Variants in ZNF423 observed in about 807,000 individuals in gnomAD.
ZNF423 encodes zinc finger protein 423.
A neutral mutation model predicts 95.8 loss-of-function variants in ZNF423; 12 were observed. The ratio of observed to expected loss-of-function variants is 0.13; its 90% CI spans 0.08 to 0.20. The LOEUF (loss-of-function observed/expected upper bound fraction) is 0.20. Among genes scored for constraint, ZNF423 ranks in the 10% least tolerant of loss-of-function variants. The probability of loss-of-function intolerance (pLI) is 1.00; values close to 1 mark genes in which losing one functional copy is unlikely to be tolerated. For missense variants in ZNF423, 1,316 were observed against 1,737.1 expected, an observed-to-expected ratio of 0.76 and a Z score of 4.31; for synonymous variants, 749 against 711.9, an observed-to-expected ratio of 1.05 and a Z score of -0.83.
In ZNF423 at chr16:49,641,917, C is replaced by T. The variant is rs552522477; in HGVS notation, c.302-3043G>A. Among the ~76,000 whole-genome samples, 7 of 152,320 alleles carry T rather than the reference C, an allele frequency of 4.6e-5. No homozygotes were observed. The South Asian group carries it at 1.5e-3, about 32-fold the overall frequency. ...ATGAGGGAAATGGTCTAAAACTAGA[C>T]TGTGGGTGAAGACTGCACAGCTCTG... On this transcript the variant is annotated intron_variant, in intron 3 of 7. Coordinates refer to ENST00000563137, the MANE Select transcript of ZNF423 (RefSeq NM_001379286.1).
intron 1 of ZNF423, among the ~76,000 whole-genome samples, chr16:49,812,205 C>T (rs1374273364): frequency 6.6e-6 from 1 of 152,244 alleles, no homozygotes; most frequent in Non-Finnish European, 1.5e-5. Flanking sequence ...ACACAGCCAG[C>T]AAGTGGCAGA....
upstream of ZNF423, among the ~76,000 whole-genome samples, chr16:49,858,268 C>T (rs1378007248): frequency 1.3e-5 from 2 of 149,730 alleles, no homozygotes; most frequent in Admixed American, 6.7e-5. This position sits in a 1 kb window ranked among gnomAD's most constrained non-coding sequence, Gnocchi z 4.3. Flanking sequence ...GCAGGGTGCC[C>T]GCGCCCCGCC....
chr16:49,508,513 TAAAAAA>T (rs35061120), intron 7 of ZNF423, among the ~76,000 whole-genome samples: 63 of 101,862 alleles, frequency 6.2e-4, no homozygotes, highest in African/African-American at 2.1e-3. Flanking sequence ...TTCTCTTTCT[TAAAAAA>T]AAAAAAAAAA....
intron 3 of ZNF423, among the ~76,000 whole-genome samples, chr16:49,681,762 TTTTC>T (rs1293546857): frequency 6.6e-6 from 1 of 151,720 alleles, no homozygotes; most frequent in African/African-American, 2.4e-5. Context: ...CATATTATGA[TTTTC>T]TTTTTCTTTT....
rs71380366 is a variant in ZNF423 at position 49,646,574 on chromosome 16, C to CTTTTTTTTTTTTT, written c.302-7713_302-7701dup. On this transcript the variant is annotated intron_variant, in intron 3 of 7. Transcript: ENST00000563137. ...TTATGGCACATTTTCTTTTCTTTTTCTTTTTTTTTTTTTTGAGAAGGAGTC... is the reference window on the plus strand; with the variant it reads ...TTATGGCACATTTTCTTTTCTTTTTCTTTTTTTTTTTTTTTTTTTTTTTTTTTGAGAAGGAGTC... 2.0e-4 allele frequency among the ~76,000 whole-genome samples: 24 copies of CTTTTTTTTTTTTT among 117,970 alleles called. 2 individuals carry two copies. Among genetic ancestry groups the CTTTTTTTTTTTTT allele is most frequent in the Admixed American group, 4.6e-4 (5 of 10,910 alleles). The allele number at this position is 117,970 out of a possible 152,430, so 77.4% of individuals were successfully genotyped here. A position where few individuals can be genotyped will look rare whatever the true frequency, so the allele number is the denominator to read the frequency against.
rs200850664 is a variant in ZNF423 at position 49,513,632 on chromosome 16, GGGATGGATGGATGGATGGAT to G, written c.3849+9972_3849+9991del. On this transcript the variant is annotated intron_variant, in intron 7 of 7. Transcript: ENST00000563137. ...CTCAAAAAATATGTTAACACATATG[GGGATGGATGGATGGATGGAT>G]GGATGGATGGATGGATGGATGGACG... Among the ~76,000 whole-genome samples the G allele has an allele frequency of 1.5e-4, 20 of 135,312 alleles. No individual in the cohort carries two copies. The South Asian group carries it at 3.7e-3, about 25-fold the overall frequency. The allele number at this position is 135,312 out of a possible 152,430, so 88.8% of individuals were successfully genotyped here.
chr16:49,825,452 CT>C lies in ZNF423; in HGVS notation c.40+30282del, dbSNP rs549876664. Among the ~76,000 whole-genome samples the C allele has an allele frequency of 1.9e-3, 287 of 149,774 alleles. 2 individuals carry two copies. Among genetic ancestry groups the C allele is most frequent in the African/African-American group, 4.0e-3 (164 of 40,868 alleles). ...TCTCCATACATATATATAATATATA[CT>C]TTTTTTTTTCCTGGTGTCACTTTGG... On this transcript the variant is annotated intron_variant, in intron 1 of 7. Transcript: ENST00000563137.
intron 3 of ZNF423, among the ~76,000 whole-genome samples, chr16:49,661,457 C>G (rs2030224236): frequency 6.6e-6 from 1 of 152,270 alleles, no homozygotes; most frequent in South Asian, 2.1e-4. Flanking sequence ...ACAAATGCAC[C>G]CCTCCACAAG....
intron 7 of ZNF423, among the ~76,000 whole-genome samples, chr16:49,501,910 A>G (rs1163104625): frequency 6.6e-6 from 1 of 152,168 alleles, no homozygotes; most frequent in Non-Finnish European, 1.5e-5. Context: ...CAAGGGTTGA[A>G]AAACAACCTA....
chr16:49,742,803 A>T, intron 2 of ZNF423, among the ~76,000 whole-genome samples: 1 of 152,178 alleles, frequency 6.6e-6, no homozygotes, highest in East Asian at 1.9e-4. Flanking sequence ...GGCTGCAAAA[A>T]AAGGATCCCG....
intron 3 of ZNF423, among the ~76,000 whole-genome samples, chr16:49,721,900 T>C (rs2032876433): frequency 6.6e-6 from 1 of 152,174 alleles, no homozygotes; most frequent in Admixed American, 6.5e-5. Flanking sequence ...CTGCCTTCTA[T>C]ATTGTTAATT....
intron 3 of ZNF423, among the ~76,000 whole-genome samples, chr16:49,694,291 C>T (rs373405303): frequency 6.6e-6 from 1 of 152,162 alleles, no homozygotes; most frequent in Non-Finnish European, 1.5e-5. Flanking sequence ...CAGTGCCTGC[C>T]ATACAGAGAC....
At chr16:49,689,226 G>A (rs1014305819) in intron 3 of ZNF423, among the ~76,000 whole-genome samples, 2 of 151,416 alleles carry the variant, frequency 1.3e-5, no homozygotes, top group Non-Finnish European at 2.9e-5. Context: ...AGGATGGCTT[G>A]AGCCCAGGAG....
chr16:49,599,413 A>G lies in ZNF423; in HGVS notation c.3601+26757T>C, dbSNP rs370302870. Among the ~76,000 whole-genome samples the G allele has an allele frequency of 9.8e-5, 15 of 152,340 alleles. No individual in the cohort carries two copies. The East Asian group carries it at 1.7e-3, about 18-fold the overall frequency. On this transcript the variant is annotated intron_variant, in intron 5 of 7. Transcript: ENST00000563137. Reference sequence around the variant, plus strand: ...CTGGGACTGTGCTGAGCACTTGACCATAGATTCCTTAATCCCCTCATTTCA... The same window carrying G: ...CTGGGACTGTGCTGAGCACTTGACCGTAGATTCCTTAATCCCCTCATTTCA...
rs72780327 is a variant in ZNF423, at chr16:49,673,211, C to T, written c.302-34337G>A. On this transcript the variant is annotated intron_variant, in intron 3 of 7. Coordinates refer to ENST00000563137, the MANE Select transcript of ZNF423 (RefSeq NM_001379286.1). The stretch of plus-strand genomic sequence containing the variant: ...TCCCATTTGACAGGGGCTGAGGCTT[C>T]CAGCAGGACTCCCAGATGCCTTTGG... Among the ~76,000 whole-genome samples, 1,148 of 152,310 alleles carry T rather than the reference C, an allele frequency of 7.5e-3. 13 individuals carry two copies. The highest frequency in any genetic ancestry group is 8.8e-3 in the Non-Finnish European group (602 of 68,024).
intron 3 of ZNF423, among the ~76,000 whole-genome samples, chr16:49,667,222 C>A (rs1022564882): frequency 1.3e-5 from 2 of 152,222 alleles, no homozygotes; most frequent in Non-Finnish European, 2.9e-5. Context: ...ATTAGAGATG[C>A]CAGTAAAATG....
At chr16:49,663,999 C>T in intron 3 of ZNF423, 3 of 916,524 alleles carry the variant, frequency 3.3e-6, no homozygotes, top group South Asian at 1.0e-4. Flanking sequence ...TAAGGGGACT[C>T]GGCGTTCCGG....
chr16:49,549,691 C>A (rs985509718), intron 5 of ZNF423, among the ~76,000 whole-genome samples: 1 of 152,176 alleles, frequency 6.6e-6, no homozygotes, highest in African/African-American at 2.4e-5. Flanking sequence ...GTCCTTGTAA[C>A]GTCCTTTTGT....
Position 49,637,931 on chromosome 16 carries a change from C to T in ZNF423, c.1245G>A (p.Val415=). The part of the protein sequence containing the change: ...MRDDGQGWTK[V]VYSCPYCSKR... ...TGGAACAATAGGGGCAGCTATAGAC[C>T]ACCTTGGTCCAGCCCTGCCCGTCAT... The change falls in exon 4 of 8, where the codon GTG becomes GTA. Residue 415 remains valine (V), a synonymous_variant. Coordinates refer to ENST00000563137, the MANE Select transcript of ZNF423 (RefSeq NM_001379286.1). This position sits in a 1 kb window ranked among gnomAD's most constrained non-coding sequence, Gnocchi z 5.6. The T allele has an allele frequency of 6.2e-7, 1 of 1,614,172 alleles. No individual in the cohort carries two copies.
Sources: gnomAD v4.1 joint callset for allele counts (sites outside exome capture counted in the v4.1 genomes callset) on GRCh38, gnomAD v4.1.1 for gene constraint, Gnocchi (gnomAD v3.1) non-coding constraint, MANE v1.5 for transcripts, NCBI Gene and HGNC (gene_info 2026-07-23, HGNC 2026-07-21) for gene names.